TTC13: variants seen among roughly 807,000 people sequenced by gnomAD.
The protein encoded by TTC13 is tetratricopeptide repeat domain 13.
Under a neutral mutation model 120.0 loss-of-function variants are expected in TTC13, and 62 were observed. The observed-to-expected ratio is 0.52, with a 90% confidence interval of 0.42 to 0.64. The LOEUF is 0.64. Ranked by LOEUF, TTC13 falls within the 30% of genes least tolerant of loss-of-function variation. The pLI is 0.00. For synonymous variants in TTC13, 384 were observed against 393.5 expected (o/e 0.98, Z 0.28); for missense variants, 824 against 1,050.2 (o/e 0.78, Z 2.98).
chr1:230,978,826 G>GC lies in TTC13; in HGVS notation c.4dup (p.Ala2GlyfsTer98). 1 of 1,477,254 alleles carries GC rather than the reference G, an allele frequency of 6.8e-7. No individual in the cohort carries two copies. Among genetic ancestry groups the GC allele is most frequent in the Non-Finnish European group, 8.9e-7 (1 of 1,124,596 alleles). The allele number at this position is 1,477,254 out of a possible 1,614,324, so 91.5% of individuals were successfully genotyped here. A position where few individuals can be genotyped will look rare whatever the true frequency, so the allele number is the denominator to read the frequency against. ...GCAGCAGCAGCAGCAGCCGGCAGGTGCCATCTTCCCTCAAGGCGCATGCGC... is the reference window on the plus strand; with the variant it reads ...GCAGCAGCAGCAGCAGCCGGCAGGTGCCCATCTTCCCTCAAGGCGCATGCGC... On this transcript the variant is annotated frameshift_variant, in exon 1 of 23. Coordinates refer to ENST00000366661, the MANE Select transcript of TTC13 (RefSeq NM_024525.5). LOFTEE classifies it high-confidence loss of function. The surrounding 1 kb of genome is among the most constrained non-coding windows in gnomAD (Gnocchi z 5.6).
chr1:230,977,749 T>C (rs963842844), intron 1 of TTC13, among the ~76,000 whole-genome samples: 4 of 152,052 alleles, frequency 2.6e-5, no homozygotes, highest in African/African-American at 4.8e-5. Flanking sequence ...AGGGAGGAGA[T>C]TGATGGGTAA....
In TTC13 at chr1:230,908,478, C is replaced by T. The variant is rs1400166371; in HGVS notation, c.2468+234G>A. Reference sequence around the variant, plus strand: ...GTGCTGGGATTACAGGTATGAGCTACTGTGCCTGGCCTTCATAGTCCATTT... The same window carrying T: ...GTGCTGGGATTACAGGTATGAGCTATTGTGCCTGGCCTTCATAGTCCATTT... On this transcript the variant is annotated intron_variant, in intron 22 of 22. Transcript: ENST00000366661. 7.3e-6 allele frequency: 4 copies of T among 547,342 alleles called. No homozygotes were observed. In the African/African-American group the frequency reaches 7.5e-5, roughly 10 times the overall value. 33.9% of individuals were successfully genotyped at this position (547,342 alleles called of 1,614,324 possible).
chr1:230,970,924 C>T (rs1271913773), intron 1 of TTC13, among the ~76,000 whole-genome samples: 1 of 152,190 alleles, frequency 6.6e-6, no homozygotes, highest in Admixed American at 6.5e-5. Context: ...ATCCTAACCC[C>T]AGGTATAGGG....
At chr1:230,913,448 C>T (rs1671704396) in intron 18 of TTC13, among the ~76,000 whole-genome samples, 1 of 152,162 alleles carries the variant, frequency 6.6e-6, no homozygotes, top group Non-Finnish European at 1.5e-5. Context: ...CAGCCTCAAA[C>T]TTTTGGGCTC....
chr1:230,955,450 TCA>T (rs1491009830), intron 3 of TTC13, among the ~76,000 whole-genome samples: 1 of 142,522 alleles, frequency 7.0e-6, no homozygotes, highest in African/African-American at 2.6e-5. Context: ...GATCACAAGG[TCA>T]GGAGATCGAG....
intron 4 of TTC13, among the ~76,000 whole-genome samples, chr1:230,950,967 C>T (rs1406382778): frequency 6.6e-6 from 1 of 152,222 alleles, no homozygotes; most frequent in African/African-American, 2.4e-5. Flanking sequence ...GCAACACTAA[C>T]TTATAAGCTT....
chr1:230,923,769 C>CCTGGT, intron 15 of TTC13, 72 bp downstream of exon 15: 1 of 1,308,920 alleles, frequency 7.6e-7, no homozygotes, highest in Admixed American at 1.8e-5. Context: ...ATGGGTCACT[C>CCTGGT]CTGGTCTCCA....
intron 8 of TTC13, among the ~76,000 whole-genome samples, chr1:230,934,601 T>G (rs1236132456): frequency 6.6e-6 from 1 of 152,202 alleles, no homozygotes; most frequent in Non-Finnish European, 1.5e-5. Context: ...TACCATTCTA[T>G]TTAAGTAGAA....
chr1:230,931,184 C>T (rs111731586), intron 11 of TTC13, 114 bp downstream of exon 11: 1 of 1,079,616 alleles, frequency 9.3e-7, no homozygotes, highest in African/African-American at 1.6e-5. Context: ...GTGGATGAGT[C>T]ACCTGGCCTC....
chr1:230,954,464 T>C, intron 3 of TTC13, 61 bp from the exon 4 acceptor site: 1 of 1,289,820 alleles, frequency 7.8e-7, no homozygotes, highest in East Asian at 2.4e-5. Flanking sequence ...CTAGAATCAA[T>C]AACTAAATGC....
intron 1 of TTC13, among the ~76,000 whole-genome samples, chr1:230,976,461 T>C (rs1341771492): frequency 6.6e-6 from 1 of 152,058 alleles, no homozygotes; most frequent in Non-Finnish European, 1.5e-5. Context: ...AACAACAGAG[T>C]TGGCTTTTGT....
At chr1:230,943,208 ATG>A (rs1472520496) in intron 6 of TTC13, among the ~76,000 whole-genome samples, 1 of 151,742 alleles carries the variant, frequency 6.6e-6, no homozygotes. Flanking sequence ...AATGAATATT[ATG>A]TGTTTTTCTT....
intron 1 of TTC13, among the ~76,000 whole-genome samples, chr1:230,969,795 C>T (rs112526712): frequency 1.0e-3 from 159 of 152,314 alleles, no homozygotes; most frequent in African/African-American, 3.5e-3. Flanking sequence ...CTTCACAGGG[C>T]TACTGTGAAG....
chr1:230,936,349 A>G, intron 8 of TTC13: 1 of 418,706 alleles, frequency 2.4e-6, no homozygotes, highest in Non-Finnish European at 4.7e-6. Flanking sequence ...ATCTCTAAGC[A>G]TATGAACTGG....
intron 3 of TTC13, among the ~76,000 whole-genome samples, chr1:230,956,234 T>TA (rs1204441912): frequency 2.8e-4 from 43 of 152,360 alleles, no homozygotes; most frequent in African/African-American, 9.1e-4. Context: ...GGCAGCCCGG[T>TA]ACGCTGAGAA....
At chr1:230,975,383 A>T (rs1678178677) in intron 1 of TTC13, among the ~76,000 whole-genome samples, 1 of 152,208 alleles carries the variant, frequency 6.6e-6, no homozygotes, top group East Asian at 1.9e-4. Context: ...CTAAAAAAAT[A>T]GAAAAAACAA....
chr1:230,963,583 C>T (rs1317620132), intron 1 of TTC13, among the ~76,000 whole-genome samples: 4 of 151,800 alleles, frequency 2.6e-5, no homozygotes, highest in African/African-American at 9.7e-5. Context: ...TGCAGTGAAC[C>T]ATGATCATAC....
At chr1:230,976,943 C>T (rs1267685402) in intron 1 of TTC13, among the ~76,000 whole-genome samples, 2 of 152,230 alleles carry the variant, frequency 1.3e-5, no homozygotes, top group Non-Finnish European at 2.9e-5. Flanking sequence ...GTGAGCACCA[C>T]ATGAGCAAAG....
intron 1 of TTC13, among the ~76,000 whole-genome samples, chr1:230,966,990 A>C (rs1677190150): frequency 6.6e-6 from 1 of 152,176 alleles, no homozygotes. Flanking sequence ...GAGAGCAGTC[A>C]GGCAGAAATA....
Sources: allele counts gnomAD v4.1 joint callset (sites outside exome capture counted in the v4.1 genomes callset), GRCh38; gene constraint gnomAD v4.1.1; non-coding constraint Gnocchi (gnomAD v3.1); transcripts MANE v1.5; gene names NCBI Gene and HGNC (gene_info 2026-07-23, HGNC 2026-07-21).